UBE2G2: variants seen among roughly 807,000 people sequenced by gnomAD.
UBE2G2 encodes ubiquitin conjugating enzyme E2 G2, also known as ubiquitin-conjugating enzyme E2 G2.
A neutral mutation model predicts 23.0 loss-of-function variants in UBE2G2; 10 were observed. That is an observed-to-expected ratio of 0.43 (90% CI 0.27 to 0.74). UBE2G2 has a LOEUF of 0.74. UBE2G2 is among the 30% of genes least tolerant of loss of function. UBE2G2 has a pLI of 0.19. For synonymous variants in UBE2G2, 86 were observed against 81.3 expected, an observed-to-expected ratio of 1.06 and a Z score of -0.31; for missense variants, 150 against 218.3, an observed-to-expected ratio of 0.69 and a Z score of 1.97.
chr21:44,801,460 G>A, intron 1 of UBE2G2: 1 of 1,175,830 alleles, frequency 8.5e-7, no homozygotes, highest in Non-Finnish European at 1.1e-6. Flanking sequence ...AACTGTGTGT[G>A]CTCTCAACTA....
At chr21:44,776,353 T>A (rs2082913203) in intron 4 of UBE2G2, among the ~76,000 whole-genome samples, 1 of 152,078 alleles carries the variant, frequency 6.6e-6, no homozygotes, top group African/African-American at 2.4e-5. Context: ...AAAATTTCAA[T>A]CTGAAAAAAG....
chr21:44,790,719 A>C (rs1386643821), intron 1 of UBE2G2, among the ~76,000 whole-genome samples: 1 of 152,202 alleles, frequency 6.6e-6, no homozygotes, highest in Non-Finnish European at 1.5e-5. Flanking sequence ...ACTGTGAGTC[A>C]ATTAAACCTC....
chr21:44,782,286 T>C (rs1370186436), intron 3 of UBE2G2, among the ~76,000 whole-genome samples: 1 of 152,206 alleles, frequency 6.6e-6, no homozygotes, highest in Non-Finnish European at 1.5e-5. Flanking sequence ...TATCATGGCA[T>C]TGCTGAGAAT....
intron 3 of UBE2G2, among the ~76,000 whole-genome samples, chr21:44,783,607 C>G (rs1156323536): frequency 6.6e-6 from 1 of 152,142 alleles, no homozygotes; most frequent in Non-Finnish European, 1.5e-5. Flanking sequence ...GTACAAGAAG[C>G]CAGGCACAGA....
intron 4 of UBE2G2, chr21:44,775,079 T>C (rs2082903538): frequency 1.2e-5 from 2 of 173,518 alleles, no homozygotes; most frequent in East Asian, 1.8e-4. Flanking sequence ...TGCCACTCCC[T>C]TGGAGTCTTT....
chr21:44,787,377 G>A (rs556681980), intron 3 of UBE2G2, among the ~76,000 whole-genome samples: 2 of 152,110 alleles, frequency 1.3e-5, no homozygotes, highest in East Asian at 1.9e-4. Flanking sequence ...GTCTTGGGTC[G>A]GAAAGAACAC....
intron 3 of UBE2G2, among the ~76,000 whole-genome samples, chr21:44,782,986 T>C (rs1375077986): frequency 1.3e-5 from 2 of 152,174 alleles, no homozygotes; most frequent in Non-Finnish European, 2.9e-5. Flanking sequence ...GAAAACAAAA[T>C]GGAGAGTTGC....
At chr21:44,777,511 T>TA (rs1200069755) in intron 3 of UBE2G2, 94 bp from the exon 4 acceptor site, 1 of 1,335,112 alleles carries the variant, frequency 7.5e-7, no homozygotes, top group East Asian at 2.3e-5. Context: ...TTTACCACTT[T>TA]AAAAATGCAC....
intron 3 of UBE2G2, 52 bp from the exon 4 acceptor site, chr21:44,777,469 C>T (rs375370634): frequency 1.5e-5 from 23 of 1,554,208 alleles, no homozygotes; most frequent in African/African-American, 5.4e-5. Context: ...TTTTCAACGT[C>T]GACCACAATT....
At chr21:44,787,151 T>A (rs1185037523) in intron 3 of UBE2G2, among the ~76,000 whole-genome samples, 9 of 151,238 alleles carry the variant, frequency 6.0e-5, no homozygotes, top group African/African-American at 2.2e-4. Context: ...GATTACAAAT[T>A]TCAACTTCCT....
chr21:44,781,998 C>G (rs972034806), intron 3 of UBE2G2, among the ~76,000 whole-genome samples: 4 of 152,086 alleles, frequency 2.6e-5, no homozygotes, highest in Non-Finnish European at 4.4e-5. Flanking sequence ...TAAATAAGTT[C>G]ATCAATTATA....
chr21:44,777,526 G>A (rs1555960740), intron 3 of UBE2G2, 109 bp from the exon 4 acceptor site: 12 of 1,117,402 alleles, frequency 1.1e-5, no homozygotes, highest in Non-Finnish European at 1.6e-5. Context: ...ATGCACGTGA[G>A]GCCGGGTGCG....
intron 3 of UBE2G2, among the ~76,000 whole-genome samples, chr21:44,778,539 C>A (rs1329931752): frequency 1.3e-5 from 2 of 151,860 alleles, no homozygotes; most frequent in Admixed American, 1.3e-4. Flanking sequence ...GGCATGATGG[C>A]CACAGGAGAG....
chr21:44,793,745 A>G (rs1555963266), intron 1 of UBE2G2, among the ~76,000 whole-genome samples: 1 of 152,248 alleles, frequency 6.6e-6, no homozygotes, highest in Non-Finnish European at 1.5e-5. Flanking sequence ...TAGCTACCAC[A>G]CAAAGTGAAA....
chr21:44,801,265 G>T, intron 1 of UBE2G2: 12 of 995,468 alleles, frequency 1.2e-5, no homozygotes, highest in Non-Finnish European at 1.4e-5. Flanking sequence ...CTTCATTAGA[G>T]GGAAAGCCAA....
At chr21:44,780,075 G>A (rs1555961126) in intron 3 of UBE2G2, among the ~76,000 whole-genome samples, 1 of 152,116 alleles carries the variant, frequency 6.6e-6, no homozygotes, top group Non-Finnish European at 1.5e-5. Flanking sequence ...TCATAATAGG[G>A]CTTTCTTTAA....
At chr21:44,779,338 C>A (rs1285513981) in intron 3 of UBE2G2, 1 of 157,690 alleles carries the variant, frequency 6.3e-6, no homozygotes, top group Admixed American at 9.8e-5. Context: ...AAGAAGATAG[C>A]GAATATGGCC....
intron 4 of UBE2G2, chr21:44,774,790 C>T: frequency 2.2e-6 from 1 of 453,016 alleles, no homozygotes; most frequent in South Asian, 1.6e-5. Flanking sequence ...TCTGTGTTGC[C>T]TTCTCCAGGA....
At chr21:44,794,736 G>A (rs536972458) in intron 1 of UBE2G2, among the ~76,000 whole-genome samples, 5 of 152,046 alleles carry the variant, frequency 3.3e-5, no homozygotes, top group East Asian at 1.9e-4. Flanking sequence ...GGGTTTCACC[G>A]TGTTAGCCCG....
Sources: gnomAD v4.1 joint callset for allele counts (sites outside exome capture counted in the v4.1 genomes callset) on GRCh38, gnomAD v4.1.1 for gene constraint, MANE v1.5 for transcripts, NCBI Gene and HGNC (gene_info 2026-07-23, HGNC 2026-07-21) for gene names.